ATXN7L1: variants seen among roughly 807,000 people sequenced by gnomAD.
ATXN7L1 encodes the protein ataxin-7-like protein 1.
Under a neutral mutation model 70.8 loss-of-function variants are expected in ATXN7L1, and 15 were observed. The observed-to-expected ratio is 0.21, with a 90% confidence interval of 0.14 to 0.33. The LOEUF is 0.33. Ranked by LOEUF, ATXN7L1 falls within the 10% of genes least tolerant of loss-of-function variation. The pLI is 1.00. For synonymous variants in ATXN7L1, 440 were observed against 445.1 expected, an observed-to-expected ratio of 0.99 and a Z score of 0.14; for missense variants, 975 against 1,097.1, an observed-to-expected ratio of 0.89 and a Z score of 1.57.
chr7:105,613,555 T>C (rs1415859867), intron 10 of ATXN7L1: 1 of 1,297,914 alleles, frequency 7.7e-7, no homozygotes, highest in African/African-American at 1.5e-5. Context: ...GAACTCAGAA[T>C]CTCTCTGTGC....
chr7:105,636,067 G>C (rs1275479286), intron 7 of ATXN7L1, among the ~76,000 whole-genome samples: 3 of 152,078 alleles, frequency 2.0e-5, no homozygotes, highest in Admixed American at 2.0e-4. Context: ...TGAGTTTTCT[G>C]GTGCCTATCT....
At chr7:105,825,788 CCAGAAACCAAATAAATTTGGATGTA>C in intron 2 of ATXN7L1, among the ~76,000 whole-genome samples, 1 of 152,170 alleles carries the variant, frequency 6.6e-6, no homozygotes, top group East Asian at 1.9e-4. Flanking sequence ...CATCTGAAAC[CCAGAAACCAAATAAATTTGGATGTA>C]CAGTGTCTCT....
At chr7:105,717,159 G>T (rs113322328) in intron 3 of ATXN7L1, among the ~76,000 whole-genome samples, 8 of 151,930 alleles carry the variant, frequency 5.3e-5, no homozygotes. Context: ...ATGGGGTCTC[G>T]CTCTGTCGCC....
chr7:105,710,529 T>A (rs1793769781), intron 3 of ATXN7L1, among the ~76,000 whole-genome samples: 1 of 149,446 alleles, frequency 6.7e-6, no homozygotes, highest in Non-Finnish European at 1.5e-5. Context: ...TGCCTCAGCC[T>A]CCTGAGTAGC....
At chr7:105,759,258 CATT>C (rs1248779896) in intron 3 of ATXN7L1, among the ~76,000 whole-genome samples, 1 of 147,564 alleles carries the variant, frequency 6.8e-6, no homozygotes, top group Non-Finnish European at 1.5e-5. Flanking sequence ...TTCATTTATT[CATT>C]ATGTCTTCCT....
chr7:105,804,654 A>G (rs1337818385), intron 2 of ATXN7L1, among the ~76,000 whole-genome samples: 1 of 152,244 alleles, frequency 6.6e-6, no homozygotes, highest in African/African-American at 2.4e-5. Flanking sequence ...TTGAAAAAAC[A>G]TCAATCACAG....
At chr7:105,865,851 C>T (rs763705305) in intron 2 of ATXN7L1, among the ~76,000 whole-genome samples, 5 of 152,134 alleles carry the variant, frequency 3.3e-5, no homozygotes, top group Admixed American at 6.5e-5. Context: ...CTCCGTTTCC[C>T]CTCCCCCAGC....
rs71155469 is a variant in ATXN7L1, at chr7:105,671,104, CAA to C, written c.356-5818_356-5817del. ...CCTGGGCGACAGCGAGACTACGTCT[CAA>C]AAAAAAAAAAAAAAAAAAAAAAAAA... On this transcript the variant is annotated intron_variant, in intron 3 of 11. Transcript: ENST00000419735. Among the ~76,000 whole-genome samples, 287 of 89,670 alleles carry C rather than the reference CAA, an allele frequency of 3.2e-3. 29 individuals are homozygous for C. Among genetic ancestry groups the C allele is most frequent in the African/African-American group, 0.01 (246 of 24,562 alleles). The allele number at this position is 89,670 out of a possible 152,430, so 58.8% of individuals were successfully genotyped here.
rs1797704139 is a variant in ATXN7L1, at chr7:105,638,482, G to A, written c.1073C>T (p.Thr358Met). ...VKDKEHLLTS[T>M]REILPSQSGP... ...GGATTGGCTTGGAAGTATTTCCCTC[G>A]TGGAAGTCAGGAGATGCTCTTTATC... Residue 358 changes from threonine to methionine, a missense_variant, in exon 7 of 12, where the codon ACG becomes ATG. This residue lies in a region of ATXN7L1 where 635 missense variants were observed against 699.4 expected (regional missense o/e 0.91). Transcript: ENST00000419735. 1.9e-6 allele frequency: 3 copies of A among 1,552,150 alleles called. No homozygotes were observed. Among genetic ancestry groups the A allele is most frequent in the Non-Finnish European group, 2.6e-6 (3 of 1,147,146 alleles).
intron 3 of ATXN7L1, among the ~76,000 whole-genome samples, chr7:105,706,320 A>G (rs1485120410): frequency 6.6e-6 from 1 of 151,700 alleles, no homozygotes; most frequent in Non-Finnish European, 1.5e-5. Flanking sequence ...CAGCCTCTGG[A>G]GTAGCTGGGA....
chr7:105,645,059 A>G (rs1798783979), intron 4 of ATXN7L1, among the ~76,000 whole-genome samples: 1 of 148,302 alleles, frequency 6.7e-6, no homozygotes, highest in Non-Finnish European at 1.5e-5. Flanking sequence ...TCATAGAGAC[A>G]GAAAGCAGAG....
intron 3 of ATXN7L1, chr7:105,788,316 C>T (rs920981476): frequency 1.5e-5 from 5 of 333,374 alleles, no homozygotes; most frequent in African/African-American, 1.0e-4. Context: ...CTCCCCTGGT[C>T]ACCTGCAGAG....
chr7:105,740,472 C>T (rs1443197108), intron 3 of ATXN7L1, among the ~76,000 whole-genome samples: 1 of 152,128 alleles, frequency 6.6e-6, no homozygotes, highest in Non-Finnish European at 1.5e-5. Flanking sequence ...CATCAAATTG[C>T]TTGGAAAGCA....
chr7:105,653,136 T>C (rs142589299), intron 4 of ATXN7L1, among the ~76,000 whole-genome samples: 28 of 152,318 alleles, frequency 1.8e-4, no homozygotes, highest in African/African-American at 6.7e-4. Flanking sequence ...CCAAATTAAA[T>C]AGACTTTTTC....
chr7:105,614,888 G>T lies in ATXN7L1; in HGVS notation c.1518-72C>A. ...GGCATTGCTCAGGAGGCTCGATGAC[G>T]TTTGAGGATCAGGGCTACAGAGGAC... On this transcript the variant is annotated intron_variant, in intron 9 of 11. Transcript: ENST00000419735. The surrounding 1 kb of genome is among the most constrained non-coding windows in gnomAD (Gnocchi z 4.3). The T allele has an allele frequency of 6.7e-7, 1 of 1,483,398 alleles. No individual in the cohort carries two copies. Among genetic ancestry groups the T allele is most frequent in the Admixed American group, 2.2e-5 (1 of 45,098 alleles). 91.9% of individuals were successfully genotyped at this position (1,483,398 alleles called of 1,614,324 possible).
rs1359264027 is a variant in ATXN7L1, at chr7:105,792,101, C to G, written c.251-3393G>C. The stretch of plus-strand genomic sequence containing the variant: ...CCTGCAGAGCCCATCCCGTCTCCCC[C>G]ACCCCCACAGTCACACACATCTGTT... On this transcript the variant is annotated intron_variant, in intron 2 of 11. Transcript: ENST00000419735. Among the ~76,000 whole-genome samples, 3 of 152,338 alleles carry G rather than the reference C, an allele frequency of 2.0e-5. No individual in the cohort carries two copies. The East Asian group carries it at 5.8e-4, about 29-fold the overall frequency.
intron 2 of ATXN7L1, among the ~76,000 whole-genome samples, chr7:105,859,163 G>T (rs1429322537): frequency 6.6e-6 from 1 of 152,038 alleles, no homozygotes. Context: ...GCCAGAGAAT[G>T]CCTCTAATTT....
intron 2 of ATXN7L1, among the ~76,000 whole-genome samples, chr7:105,805,043 G>A (rs1807355083): frequency 6.6e-6 from 1 of 152,196 alleles, no homozygotes; most frequent in Non-Finnish European, 1.5e-5. Flanking sequence ...AGAAGCTCCT[G>A]TCTACAATGA....
chr7:105,646,503 G>A (rs56747604), intron 4 of ATXN7L1, among the ~76,000 whole-genome samples: 3 of 151,934 alleles, frequency 2.0e-5, no homozygotes, highest in Admixed American at 6.6e-5. Flanking sequence ...CTGCAACCTC[G>A]GCCTCTTGGG....
Sources: allele counts gnomAD v4.1 joint callset (sites outside exome capture counted in the v4.1 genomes callset), GRCh38; gene constraint gnomAD v4.1.1; regional missense constraint gnomAD v4.1.1; non-coding constraint Gnocchi (gnomAD v3.1); transcripts MANE v1.5; gene names NCBI Gene and HGNC (gene_info 2026-07-23, HGNC 2026-07-21).